CSTL1: variants seen among roughly 807,000 people sequenced by gnomAD.
CSTL1 encodes the protein cystatin-like 1.
A neutral mutation model predicts 14.4 loss-of-function variants in CSTL1; 14 were observed. The observed-to-expected ratio is 0.97, with a 90% confidence interval of 0.64 to 1.52. The LOEUF (loss-of-function observed/expected upper bound fraction) is 1.52. CSTL1 is among the 40% of genes most tolerant of loss of function. CSTL1 has a pLI of 0.00. For missense variants in CSTL1, 170 were observed against 168.7 expected (o/e 1.01, Z -0.04); for synonymous variants, 72 against 67.5 (o/e 1.07, Z -0.33).
chr20:23,460,477 T>C, the CSTL1 span, among the ~76,000 whole-genome samples: 1 of 152,230 alleles, frequency 6.6e-6, no homozygotes, highest in Non-Finnish European at 1.5e-5. Context: ...TGTTGAATAG[T>C]TATCTTTCAC....
the CSTL1 span, among the ~76,000 whole-genome samples, chr20:23,457,286 G>A: frequency 1.3e-5 from 2 of 152,130 alleles, no homozygotes; most frequent in Non-Finnish European, 2.9e-5. Flanking sequence ...CGAGGGTCAG[G>A]TAGATCACCT....
the CSTL1 span, among the ~76,000 whole-genome samples, chr20:23,454,378 A>T: frequency 1.3e-5 from 2 of 151,734 alleles, no homozygotes; most frequent in East Asian, 3.9e-4. Flanking sequence ...CTCACACTGA[A>T]ACACACACAC....
At chr20:23,451,914 C>A in the CSTL1 span, 2 of 1,613,484 alleles carry the variant, frequency 1.2e-6, no homozygotes, top group South Asian at 2.2e-5. Flanking sequence ...TCCAGGTGGT[C>A]AGTGACCTGT....
intron 2 of CSTL1, among the ~76,000 whole-genome samples, chr20:23,441,728 A>G (rs189704768): frequency 3.9e-5 from 6 of 152,288 alleles, no homozygotes; most frequent in African/African-American, 1.4e-4. Flanking sequence ...GAATATTTTG[A>G]TGCACGGTTG....
chr20:23,452,436 T>A, the CSTL1 span: 1 of 644,596 alleles, frequency 1.6e-6, no homozygotes, highest in Non-Finnish European at 2.8e-6. Context: ...CTTAATTTCA[T>A]CACCCTAGTG....
the CSTL1 span, chr20:23,452,708 T>A: frequency 6.2e-7 from 1 of 1,614,140 alleles, no homozygotes; most frequent in South Asian, 1.1e-5. Context: ...CATCACTTCA[T>A]GGACGCTTAG....
At chr20:23,440,106 G>A (rs914473478) in intron 1 of CSTL1, 38 bp from the exon 2 acceptor site, 2 of 679,418 alleles carry the variant, frequency 2.9e-6, no homozygotes, top group Non-Finnish European at 5.0e-6. Context: ...TGGAAACTGA[G>A]TGACAAGGTT....
the CSTL1 span, among the ~76,000 whole-genome samples, chr20:23,457,160 G>A: frequency 3.2e-4 from 48 of 152,098 alleles, no homozygotes; most frequent in Non-Finnish European, 5.0e-4. Flanking sequence ...GAGGTATGTG[G>A]AGCCCTGTTG....
At chr20:23,448,334 T>G (rs2123321414), downstream of CSTL1, among the ~76,000 whole-genome samples, 1 of 152,286 alleles carries the variant, frequency 6.6e-6, no homozygotes, top group East Asian at 1.9e-4. Context: ...GAGCCAGCAT[T>G]GAGACAGGAG....
chr20:23,447,437 C>T (rs1346386028), downstream of CSTL1, among the ~76,000 whole-genome samples: 1 of 151,492 alleles, frequency 6.6e-6, no homozygotes, highest in Non-Finnish European at 1.5e-5. Context: ...ATGCTGGACA[C>T]ATTACATGTA....
At chr20:23,457,212 T>C in the CSTL1 span, among the ~76,000 whole-genome samples, 1 of 152,144 alleles carries the variant, frequency 6.6e-6, no homozygotes, top group East Asian at 1.9e-4. Context: ...CTGGACCATC[T>C]CAACCCAGCC....
chr20:23,456,399 G>A, the CSTL1 span, among the ~76,000 whole-genome samples: 1 of 152,160 alleles, frequency 6.6e-6, no homozygotes, highest in Non-Finnish European at 1.5e-5. Context: ...CATCTCCTCT[G>A]CCTCTTCCAT....
chr20:23,451,861 C>T, the CSTL1 span: 1 of 1,614,092 alleles, frequency 6.2e-7, no homozygotes, highest in Non-Finnish European at 8.5e-7. Flanking sequence ...TGGTCTCTGG[C>T]TTTTGGCAGG....
chr20:23,454,969 G>C, the CSTL1 span, among the ~76,000 whole-genome samples: 1 of 152,166 alleles, frequency 6.6e-6, no homozygotes, highest in Non-Finnish European at 1.5e-5. Context: ...TTGAGACATA[G>C]AGGAATTTAC....
chr20:23,444,676 T>C, intron 3 of CSTL1, 95 bp from the exon 4 acceptor site: 1 of 766,924 alleles, frequency 1.3e-6, no homozygotes. Flanking sequence ...ATGGGGTTCA[T>C]GAGCAGCCAC....
At chr20:23,446,706 T>A (rs1275387204), downstream of CSTL1, among the ~76,000 whole-genome samples, 1 of 152,190 alleles carries the variant, frequency 6.6e-6, no homozygotes, top group Non-Finnish European at 1.5e-5. Flanking sequence ...TTAGAGAAGG[T>A]GCATGTTAGA....
At chr20:23,455,087 A>T in the CSTL1 span, among the ~76,000 whole-genome samples, 1 of 152,214 alleles carries the variant, frequency 6.6e-6, no homozygotes, top group African/African-American at 2.4e-5. Flanking sequence ...ACATGAAGTA[A>T]TCTGGAGAAC....
At chr20:23,444,742 CA>C in intron 3 of CSTL1, 28 bp from the exon 4 acceptor site, 1 of 1,491,570 alleles carries the variant, frequency 6.7e-7, no homozygotes, top group South Asian at 1.1e-5. Context: ...ATACTTCCCC[CA>C]AAGTCTGTTT....
the CSTL1 span, chr20:23,452,919 G>T: frequency 2.6e-6 from 2 of 779,464 alleles, no homozygotes; most frequent in Non-Finnish European, 4.2e-6. Flanking sequence ...GCTGGTGGTG[G>T]ACACCCACAG....
Sources: allele counts gnomAD v4.1 joint callset (sites outside exome capture counted in the v4.1 genomes callset), GRCh38; gene constraint gnomAD v4.1.1; transcripts MANE v1.5; gene names NCBI Gene and HGNC (gene_info 2026-07-23, HGNC 2026-07-21).